The following UBXN6 variants were observed in gnomAD, a reference collection of about 807,000 sequenced individuals.
UBXN6 encodes UBX domain protein 6, also known as UBX domain-containing protein 6.
UBXN6 carries 44 observed loss-of-function variants against 51.4 expected under a neutral mutation model. That is an observed-to-expected ratio of 0.86 (90% CI 0.67 to 1.10). UBXN6 has a LOEUF of 1.10. Ranked by LOEUF, UBXN6 falls within the 50% of genes least tolerant of loss-of-function variation. The pLI, the probability that UBXN6 is intolerant of heterozygous loss-of-function variation, is 0.00. For missense variants in UBXN6, 672 were observed against 596.1 expected (o/e 1.13, Z -1.32); for synonymous variants, 316 against 263.2 (o/e 1.20, Z -1.94).
intron 4 of UBXN6, among the ~76,000 whole-genome samples, chr19:4,451,032 A>G (rs1435582208): frequency 6.6e-6 from 1 of 152,042 alleles, no homozygotes. Context: ...TGGAGAGTCT[A>G]TGGAACTATT....
chr19:4,446,806 T>TC, intron 7 of UBXN6, 30 bp downstream of exon 7: 1 of 1,613,818 alleles, frequency 6.2e-7, no homozygotes, highest in Admixed American at 1.7e-5. Flanking sequence ...TCGTCCCCAT[T>TC]CCCTACTCAG....
intron 1 of UBXN6, among the ~76,000 whole-genome samples, chr19:4,454,581 G>C (rs886076857): frequency 2.6e-5 from 4 of 152,260 alleles, no homozygotes; most frequent in Middle Eastern, 6.8e-3. Context: ...GCATCATCAT[G>C]CCTGGCTAAT....
intron 2 of UBXN6, 118 bp from the exon 3 acceptor site, chr19:4,453,640 C>T (rs1974693714): frequency 4.7e-6 from 6 of 1,278,576 alleles, no homozygotes; most frequent in Non-Finnish European, 6.5e-6. Context: ...CCCCAGCCTG[C>T]TTCTGCTGGA....
At position 4,446,399 on chromosome 19, in the gene UBXN6, T is replaced by A; in HGVS notation, c.935A>T (p.Glu312Val). The A allele has an allele frequency of 6.3e-7, 1 of 1,578,822 alleles. No individual in the cohort carries two copies. Among genetic ancestry groups the A allele is most frequent in the Non-Finnish European group, 8.6e-7 (1 of 1,169,544 alleles). ...CTTGGTCCGCAGCACGCTCAGCCGC[T>A]CCACCGCCTCGGACCTGCACACGCG... ...REQRLRSEAV[E>V]RLSVLRTKAM... The change falls in exon 9 of 11, where the codon GAG becomes GTG. Residue 312 changes from glutamate (E) to valine (V), a missense_variant. Transcript: ENST00000301281.
rs188969463 is a variant in UBXN6, at chr19:4,445,484, A to G, written c.*14T>C. 8 of 1,613,568 alleles carry G rather than the reference A, an allele frequency of 5.0e-6. No homozygotes were observed. Among genetic ancestry groups the G allele is most frequent in the East Asian group, 2.2e-5 (1 of 44,860 alleles). ...AGACAGACCCACAGGGCTGAGGCCA[A>G]CCCTGCTTTTATTTCACAAGAGCTT... On this transcript the variant is annotated 3_prime_UTR_variant, in exon 11 of 11. Transcript: ENST00000301281.
chr19:4,453,223 C>T (rs967247175), intron 3 of UBXN6, among the ~76,000 whole-genome samples: 8 of 152,302 alleles, frequency 5.3e-5, no homozygotes, highest in African/African-American at 1.7e-4. Context: ...GGGGAGGGAG[C>T]GATGGGCTCG....
At chr19:4,455,888 G>T (rs1974733391) in intron 1 of UBXN6, among the ~76,000 whole-genome samples, 1 of 151,992 alleles carries the variant, frequency 6.6e-6, no homozygotes, top group East Asian at 1.9e-4. Context: ...ACCCTCCTTG[G>T]AGGCCCTGGG....
chr19:4,448,955 A>G (rs973971667), intron 4 of UBXN6: 1 of 154,926 alleles, frequency 6.5e-6, no homozygotes, highest in Non-Finnish European at 1.4e-5. Flanking sequence ...CTGAAACTCA[A>G]TAGCTGGAAG....
rs927550889 is a variant in UBXN6, at chr19:4,448,555, GAA to G, written c.442-142_442-141del. The G allele has an allele frequency of 2.3e-5, 16 of 704,714 alleles. No individual in the cohort carries two copies. In the African/African-American group the frequency reaches 2.5e-4, roughly 11 times the overall value. The allele number at this position is 704,714 out of a possible 1,614,324, so 43.7% of individuals were successfully genotyped here. A position where few individuals can be genotyped will look rare whatever the true frequency, so the allele number is the denominator to read the frequency against. On this transcript the variant is annotated intron_variant, in intron 4 of 10. Coordinates refer to ENST00000301281, the MANE Select transcript of UBXN6 (RefSeq NM_025241.3). The stretch of plus-strand genomic sequence containing the variant: ...CCAGCTGTGCGCTCATCACAGAAAG[GAA>G]AAGAGAGACCCTCCAAGACCGCAGC...
intron 3 of UBXN6, 22 bp from the exon 4 acceptor site, chr19:4,452,514 A>T: frequency 6.2e-7 from 1 of 1,604,704 alleles, no homozygotes; most frequent in South Asian, 1.1e-5. Flanking sequence ...AAAGCGTCCA[A>T]GTCTGGACCG....
At chr19:4,455,869 C>T (rs1403842703) in intron 1 of UBXN6, among the ~76,000 whole-genome samples, 1 of 152,098 alleles carries the variant, frequency 6.6e-6, no homozygotes, top group Non-Finnish European at 1.5e-5. Context: ...CACCTGACGG[C>T]CCCTGCTCAC....
chr19:4,447,804 C>T (rs1974569309), intron 5 of UBXN6, 179 bp from the exon 6 acceptor site: 1 of 624,074 alleles, frequency 1.6e-6, no homozygotes, highest in African/African-American at 1.8e-5. Context: ...CCTCGGACAC[C>T]CCATGGAGCC....
At chr19:4,457,251 A>G (rs1405211669) in intron 1 of UBXN6, among the ~76,000 whole-genome samples, 2 of 149,076 alleles carry the variant, frequency 1.3e-5, no homozygotes, top group African/African-American at 2.5e-5. Context: ...CTGACCCCCA[A>G]CTGCCTACAG....
At position 4,446,566 on chromosome 19, in the gene UBXN6, T is replaced by C. The variant is rs376724268; in HGVS notation, c.854A>G (p.Gln285Arg). 6.2e-7 allele frequency: 1 copy of C among 1,612,420 alleles called. No homozygotes were observed. Residue 285 changes from glutamine to arginine, a missense_variant, in exon 8 of 11, where the codon CAG becomes CGG. Gln to Arg is a conservative substitution (Grantham distance 43). Transcript: ENST00000301281. ...GAAGAAGTCCCCAGGCAGTTCGAAC[T>C]GCGAGGCCAGGGGCGAGGGCTGGAA... ...RVFQPSPLAS[Q>R]FELPGDFFNL...
intron 3 of UBXN6, 89 bp from the exon 4 acceptor site, chr19:4,452,581 G>A: frequency 6.8e-7 from 1 of 1,473,764 alleles, no homozygotes; most frequent in Non-Finnish European, 9.0e-7. Context: ...GTGGCCCGTA[G>A]AACCAGACAT....
chr19:4,455,287 G>C, intron 1 of UBXN6: 3 of 985,512 alleles, frequency 3.0e-6, no homozygotes, highest in Non-Finnish European at 3.6e-6. Flanking sequence ...CTCAGTTCAA[G>C]CCCTATACTC....
intron 6 of UBXN6, 74 bp from the exon 7 acceptor site, chr19:4,446,994 G>A: frequency 8.1e-6 from 12 of 1,482,608 alleles, no homozygotes; most frequent in Non-Finnish European, 1.1e-5. Context: ...CCCAGTCCAG[G>A]GGCCCGGCTC....
At chr19:4,457,341 C>A (rs1169262841) in intron 1 of UBXN6, among the ~76,000 whole-genome samples, 2 of 140,736 alleles carry the variant, frequency 1.4e-5, no homozygotes, top group Non-Finnish European at 3.1e-5. Flanking sequence ...CGCCCCGCCC[C>A]CTGCGCTAGT....
At position 4,445,396 on chromosome 19, in the gene UBXN6, C is replaced by G; in HGVS notation, c.*102G>C. ...CCCTCCCGTGCCCATGGGGCAGAGC[C>G]AAGTATTTCCAGAGGTGGCTTGGAG... On this transcript the variant is annotated 3_prime_UTR_variant, in exon 11 of 11. Transcript: ENST00000301281. The G allele has an allele frequency of 6.4e-7, 1 of 1,562,916 alleles. No homozygotes were observed.
Sources: gnomAD v4.1 joint callset for allele counts (sites outside exome capture counted in the v4.1 genomes callset) on GRCh38, gnomAD v4.1.1 for gene constraint, MANE v1.5 for transcripts, NCBI Gene and HGNC (gene_info 2026-07-23, HGNC 2026-07-21) for gene names.